Variants in VKORC1L1 observed in about 807,000 individuals in gnomAD.
VKORC1L1 encodes vitamin K epoxide reductase complex subunit 1-like protein 1.
Under a neutral mutation model 18.9 loss-of-function variants are expected in VKORC1L1, and 2 were observed. The observed-to-expected ratio is 0.11, with a 90% CI of 0.04 to 0.33. The LOEUF (loss-of-function observed/expected upper bound fraction) is 0.33. VKORC1L1 is among the 10% of genes least tolerant of loss of function. The pLI is 1.00. For missense variants in VKORC1L1, 123 were observed against 224.1 expected, an observed-to-expected ratio of 0.55 and a Z score of 2.88; for synonymous variants, 96 against 100.0, an observed-to-expected ratio of 0.96 and a Z score of 0.24.
chr7:65,898,020 C>T (rs1407412926), intron 1 of VKORC1L1, among the ~76,000 whole-genome samples: 1 of 150,304 alleles, frequency 6.7e-6, no homozygotes, highest in Non-Finnish European at 1.5e-5. Flanking sequence ...ACCTAATTAC[C>T]CATAACTAGG....
intron 1 of VKORC1L1, among the ~76,000 whole-genome samples, chr7:65,891,340 T>G (rs1789108262): frequency 6.6e-6 from 1 of 152,140 alleles, no homozygotes; most frequent in Non-Finnish European, 1.5e-5. Flanking sequence ...GTGTTTAACT[T>G]TATTAGAAAC....
chr7:65,891,979 TGTCTACA>T (rs1789117292), intron 1 of VKORC1L1, among the ~76,000 whole-genome samples: 1 of 152,216 alleles, frequency 6.6e-6, no homozygotes, highest in East Asian at 1.9e-4. Flanking sequence ...TCCTTTACTC[TGTCTACA>T]TGGGTTCAAT....
intron 1 of VKORC1L1, among the ~76,000 whole-genome samples, chr7:65,898,044 A>G (rs1378528385): frequency 6.7e-6 from 1 of 149,218 alleles, no homozygotes; most frequent in Non-Finnish European, 1.5e-5. Context: ...CTGGTAAAAT[A>G]ATTGATACAG....
chr7:65,900,394 CAAAA>C lies in VKORC1L1; in HGVS notation c.194+26839_194+26842del, dbSNP rs546873103. Among the ~76,000 whole-genome samples the C allele has an allele frequency of 1.0e-3, 119 of 118,780 alleles. 1 individual carries two copies. The South Asian group carries it at 0.016, about 16-fold the overall frequency. The allele number at this position is 118,780 out of a possible 152,430, so 77.9% of individuals were successfully genotyped here. A position where few individuals can be genotyped will look rare whatever the true frequency, so the allele number is the denominator to read the frequency against. On this transcript the variant is annotated intron_variant, in intron 1 of 2. Coordinates refer to ENST00000360768, the MANE Select transcript of VKORC1L1 (RefSeq NM_173517.6). ...TGGGTGACAGAGCGAGGCTCTATCT[CAAAA>C]AAAAAAAAAGAAAATATAGAAAAAT... is the stretch of plus-strand genomic sequence containing the variant.
intron 1 of VKORC1L1, among the ~76,000 whole-genome samples, chr7:65,903,626 G>A (rs1056741954): frequency 6.6e-6 from 1 of 152,156 alleles, no homozygotes; most frequent in Non-Finnish European, 1.5e-5. Context: ...GCAAAAATCA[G>A]CCAGGCATGG....
At chr7:65,895,851 G>A (rs1789200345) in intron 1 of VKORC1L1, among the ~76,000 whole-genome samples, 1 of 148,668 alleles carries the variant, frequency 6.7e-6, no homozygotes, top group Non-Finnish European at 1.5e-5. Context: ...GGTGAACTGA[G>A]TAGCCATTGG....
At chr7:65,897,785 AATGT>A (rs1298279690) in intron 1 of VKORC1L1, among the ~76,000 whole-genome samples, 1 of 152,004 alleles carries the variant, frequency 6.6e-6, no homozygotes, top group Non-Finnish European at 1.5e-5. Flanking sequence ...TACTGTTCTG[AATGT>A]ATGCTATACT....
upstream of VKORC1L1, among the ~76,000 whole-genome samples, chr7:65,872,239 C>G (rs1490869935): frequency 2.6e-5 from 4 of 151,966 alleles, no homozygotes; most frequent in Non-Finnish European, 5.9e-5. Flanking sequence ...TGTATTAGCT[C>G]ATCTTTATTT....
rs902303510 is a variant in VKORC1L1, at chr7:65,959,459, A to C, written c.*5159A>C. ...TGATTCCTTTGAAAAACTAAAGAGA[A>C]GTTGATAAAAAAAATACAGAAGCTC... On this transcript the variant is annotated 3_prime_UTR_variant, in exon 3 of 3. Coordinates refer to ENST00000360768, the MANE Select transcript of VKORC1L1 (RefSeq NM_173517.6). 1 of 152,256 alleles carries C rather than the reference A, an allele frequency of 6.6e-6. No homozygotes were observed. The highest frequency in any genetic ancestry group is 1.5e-5 in the Non-Finnish European group (1 of 68,048). The allele number at this position is 152,256 out of a possible 1,614,324, so 9.4% of individuals were successfully genotyped here. A position where few individuals can be genotyped will look rare whatever the true frequency, so the allele number is the denominator to read the frequency against.
intron 1 of VKORC1L1, among the ~76,000 whole-genome samples, chr7:65,880,908 A>G (rs1329526130): frequency 6.6e-6 from 1 of 152,186 alleles, no homozygotes. Flanking sequence ...AAGTTATTGT[A>G]CAGGTTGAGG....
chr7:65,894,213 C>T (rs1789154687), intron 1 of VKORC1L1, among the ~76,000 whole-genome samples: 1 of 151,910 alleles, frequency 6.6e-6, no homozygotes, highest in Admixed American at 6.6e-5. Context: ...CCTCAACCTC[C>T]CAAAATGTTA....
rs570909722 is a variant in VKORC1L1 at position 65,953,944 on chromosome 7, C to T, written c.305-130C>T. On this transcript the variant is annotated intron_variant, in intron 2 of 2. Coordinates refer to ENST00000360768, the MANE Select transcript of VKORC1L1 (RefSeq NM_173517.6). ...CAAAACAGAGCAGTATTTCTGTTCTCAATTTTCAGAGTTGGCAGGAAGATC... is the reference window on the plus strand; with the variant it reads ...CAAAACAGAGCAGTATTTCTGTTCTTAATTTTCAGAGTTGGCAGGAAGATC... 273 of 767,318 alleles carry T rather than the reference C, an allele frequency of 3.6e-4. 1 individual carries two copies. The highest frequency in any genetic ancestry group is 3.5e-3 in the South Asian group (157 of 45,442). 47.5% of individuals were successfully genotyped at this position (767,318 alleles called of 1,614,324 possible).
At chr7:65,870,297 G>A (rs1436098708), upstream of VKORC1L1, among the ~76,000 whole-genome samples, 1 of 151,314 alleles carries the variant, frequency 6.6e-6, no homozygotes, top group East Asian at 1.9e-4. Context: ...AGGCGTGGTG[G>A]TGCATGCCTG....
intron 1 of VKORC1L1, among the ~76,000 whole-genome samples, chr7:65,942,026 C>T (rs1395804623): frequency 6.6e-6 from 1 of 152,084 alleles, no homozygotes; most frequent in Non-Finnish European, 1.5e-5. Context: ...ATTAACTGAA[C>T]TTCATACACC....
chr7:65,869,346 A>T (rs1272153340), upstream of VKORC1L1, among the ~76,000 whole-genome samples: 2 of 152,050 alleles, frequency 1.3e-5, no homozygotes, highest in Non-Finnish European at 2.9e-5. Flanking sequence ...TAAAAATTGT[A>T]AAAAAAGCAC....
rs751043328 is a variant in VKORC1L1 at position 65,958,740 on chromosome 7, A to C, written c.*4440A>C. On this transcript the variant is annotated 3_prime_UTR_variant, in exon 3 of 3. Transcript: ENST00000360768. ...GAAGATTCAGAGTCCTCAGACCTCT[A>C]GTTCTTGGAATTCCTGTAGGTTTAC... 4 of 152,228 alleles carry C rather than the reference A, an allele frequency of 2.6e-5. No homozygotes were observed. The highest frequency in any genetic ancestry group is 5.9e-5 in the Non-Finnish European group (4 of 68,046). 9.4% of individuals were successfully genotyped at this position (152,228 alleles called of 1,614,324 possible).
intron 1 of VKORC1L1, among the ~76,000 whole-genome samples, chr7:65,886,151 A>G (rs1297492148): frequency 6.6e-6 from 1 of 152,140 alleles, no homozygotes; most frequent in African/African-American, 2.4e-5. Flanking sequence ...CCCTGTTTTC[A>G]TTTCTCTTTT....
intron 1 of VKORC1L1, among the ~76,000 whole-genome samples, chr7:65,890,170 T>G (rs1324720235): frequency 1.4e-5 from 2 of 146,488 alleles, no homozygotes; most frequent in Non-Finnish European, 3.0e-5. Flanking sequence ...TCGCTCTGTT[T>G]CCCAGGCTGG....
chr7:65,905,831 CA>C (rs1417114180), intron 1 of VKORC1L1, among the ~76,000 whole-genome samples: 1 of 152,108 alleles, frequency 6.6e-6, no homozygotes, highest in Non-Finnish European at 1.5e-5. Context: ...CCAGATTTTT[CA>C]AAAACTTGAT....
Sources: gnomAD v4.1 joint callset for allele counts (sites outside exome capture counted in the v4.1 genomes callset) on GRCh38, gnomAD v4.1.1 for gene constraint, MANE v1.5 for transcripts, NCBI Gene and HGNC (gene_info 2026-07-23, HGNC 2026-07-21) for gene names.